The following FBXL13 variants were observed in gnomAD, a reference collection of about 807,000 sequenced individuals.
FBXL13 encodes the protein F-box and leucine-rich repeat protein 13.
A neutral mutation model predicts 83.6 loss-of-function variants in FBXL13; 67 were observed. The ratio of observed to expected loss-of-function variants is 0.80; its 90% CI spans 0.66 to 0.98. The LOEUF is 0.98. FBXL13 is among the 50% of genes least tolerant of loss of function. The probability of loss-of-function intolerance (pLI) is 0.00; values close to 1 mark genes in which losing one functional copy is unlikely to be tolerated. For synonymous variants in FBXL13, 272 were observed against 299.5 expected, an observed-to-expected ratio of 0.91 and a Z score of 0.95; for missense variants, 822 against 866.5, an observed-to-expected ratio of 0.95 and a Z score of 0.64.
chr7:102,923,153 G>A (rs1039243579), intron 10 of FBXL13, among the ~76,000 whole-genome samples: 2 of 152,112 alleles, frequency 1.3e-5, no homozygotes, highest in Admixed American at 1.3e-4. Flanking sequence ...TCAAAGAATA[G>A]TTTTCAAGTA....
chr7:102,933,291 G>A (rs2056584), intron 8 of FBXL13: 150,066 of 150,174 alleles, frequency 1, 74,979 homozygotes, highest in Middle Eastern at 1. Flanking sequence ...AAAAAAAAAA[G>A]GCTCAGGAAG....
chr7:102,960,394 C>T (rs1300611812), intron 8 of FBXL13, among the ~76,000 whole-genome samples: 5 of 152,060 alleles, frequency 3.3e-5, no homozygotes, highest in African/African-American at 1.2e-4. Context: ...CAGCCGAATT[C>T]TACCAGAGGT....
At chr7:103,027,681 G>C in intron 4 of FBXL13, 123 bp from the exon 6 acceptor site, 1 of 566,720 alleles carries the variant, frequency 1.8e-6, no homozygotes. Context: ...TTTTTGTTTG[G>C]TCTTATTTAC....
At chr7:102,906,849 A>T (rs1813828600) in intron 11 of FBXL13, among the ~76,000 whole-genome samples, 1 of 152,030 alleles carries the variant, frequency 6.6e-6, no homozygotes, top group Admixed American at 6.5e-5. Flanking sequence ...GATCTGCTTG[A>T]TGTTCTATAA....
chr7:103,024,857 A>ATATATTTTT (rs1298384907), intron 6 of FBXL13, among the ~76,000 whole-genome samples: 1 of 62,844 alleles, frequency 1.6e-5, no homozygotes, highest in Non-Finnish European at 2.5e-5. Context: ...ATATATATAT[A>ATATATTTTT]TTTTTTTTTT....
chr7:102,906,550 C>A (rs1813782741), intron 11 of FBXL13, among the ~76,000 whole-genome samples: 1 of 152,132 alleles, frequency 6.6e-6, no homozygotes, highest in African/African-American at 2.4e-5. Flanking sequence ...TTGATGAAGT[C>A]CCTCAGCTTT....
At chr7:103,010,533 A>G (rs1258932658) in intron 6 of FBXL13, among the ~76,000 whole-genome samples, 1 of 152,052 alleles carries the variant, frequency 6.6e-6, no homozygotes, top group Non-Finnish European at 1.5e-5. Flanking sequence ...CCAACCCAGC[A>G]GTACCACTTC....
intron 17 of FBXL13, chr7:102,834,662 C>T (rs1165369389): frequency 6.6e-6 from 1 of 151,786 alleles, no homozygotes; most frequent in Middle Eastern, 3.2e-3. Flanking sequence ...TTAGCCTGGC[C>T]CCTGAACAAG....
At chr7:102,821,130 G>T (rs898298114) in intron 19 of FBXL13, among the ~76,000 whole-genome samples, 16 of 152,162 alleles carry the variant, frequency 1.1e-4, no homozygotes, top group Non-Finnish European at 2.2e-4. Flanking sequence ...AATCTAACAA[G>T]TTTGGCAGAG....
At chr7:102,900,379 T>C (rs1001417723) in intron 11 of FBXL13, among the ~76,000 whole-genome samples, 55 of 152,230 alleles carry the variant, frequency 3.6e-4, no homozygotes, top group African/African-American at 1.1e-3. Flanking sequence ...TAAGCTCCTA[T>C]TCTCAAGGCT....
At chr7:102,920,752 A>T (rs1363868077) in intron 10 of FBXL13, among the ~76,000 whole-genome samples, 2 of 152,222 alleles carry the variant, frequency 1.3e-5, no homozygotes, top group Admixed American at 1.3e-4. Context: ...TACATATAAA[A>T]GATAAACCTA....
At position 103,066,790 on chromosome 7, in the gene FBXL13, GA is replaced by G. The variant is rs1181154327; in HGVS notation, c.-105+7455del. 4.7e-5 allele frequency among the ~76,000 whole-genome samples: 7 copies of G among 149,862 alleles called. 1 individual carries two copies. The South Asian group carries it at 1.0e-3, about 22-fold the overall frequency. On this transcript the variant is annotated intron_variant, in intron 1 of 19. Transcript: ENST00000313221. ...ATATTCAGTGGAAGAATTTTGTGAGGATTTTTTTTTTTTTTTTTGAGATGGA... is the reference window on the plus strand; with the variant it reads ...ATATTCAGTGGAAGAATTTTGTGAGGTTTTTTTTTTTTTTTTTGAGATGGA...
chr7:102,998,010 A>G (rs535965881), intron 6 of FBXL13, among the ~76,000 whole-genome samples: 1 of 152,264 alleles, frequency 6.6e-6, no homozygotes, highest in East Asian at 1.9e-4. Flanking sequence ...ATATCACTGT[A>G]CTAATTTACA....
At chr7:102,925,225 C>T (rs959377617) in intron 10 of FBXL13, among the ~76,000 whole-genome samples, 5 of 152,024 alleles carry the variant, frequency 3.3e-5, no homozygotes, top group Admixed American at 2.0e-4. Flanking sequence ...GAAACCCCAT[C>T]TCTACAGAAA....
In FBXL13 at chr7:103,060,020, TTATATATATATATATATATATATATATA is replaced by T. The variant is rs772728840; in HGVS notation, c.-104-4301_-104-4274del. On this transcript the variant is annotated intron_variant, in intron 1 of 19. Transcript: ENST00000313221. The stretch of plus-strand genomic sequence containing the variant: ...CAACAGATAATGATAGCAAGATATT[TTATATATATATATATATATATATATATA>T]TATATATATATATATACTTTTTTTT... 8.0e-3 allele frequency among the ~76,000 whole-genome samples: 399 copies of T among 50,096 alleles called. 14 individuals carry two copies. Among genetic ancestry groups the T allele is most frequent in the South Asian group, 0.076 (72 of 942 alleles). 32.9% of individuals were successfully genotyped at this position (50,096 alleles called of 152,430 possible).
At chr7:103,066,548 C>A (rs1022353577) in intron 1 of FBXL13, among the ~76,000 whole-genome samples, 5 of 151,974 alleles carry the variant, frequency 3.3e-5, no homozygotes, top group East Asian at 3.9e-4. Context: ...CCCGCCATCA[C>A]GCCCAGCTAA....
At chr7:102,891,964 G>A (rs544748218) in intron 11 of FBXL13, among the ~76,000 whole-genome samples, 1 of 152,240 alleles carries the variant, frequency 6.6e-6, no homozygotes, top group South Asian at 2.1e-4. Context: ...GAGCTACTTG[G>A]TTTGTCTAGA....
At chr7:102,920,949 C>T (rs923708647) in intron 10 of FBXL13, among the ~76,000 whole-genome samples, 76 of 151,312 alleles carry the variant, frequency 5.0e-4, no homozygotes, top group Non-Finnish European at 8.4e-4. Context: ...GTCAGGAGTT[C>T]GAGACCGGCC....
intron 1 of FBXL13, among the ~76,000 whole-genome samples, chr7:103,066,778 G>T (rs1402849295): frequency 6.6e-6 from 1 of 151,074 alleles, no homozygotes; most frequent in Non-Finnish European, 1.5e-5. Flanking sequence ...TTCAGTGGAA[G>T]AATTTTGTGA....
Sources: allele counts gnomAD v4.1 joint callset (sites outside exome capture counted in the v4.1 genomes callset), GRCh38; gene constraint gnomAD v4.1.1; transcripts MANE v1.5; gene names NCBI Gene and HGNC (gene_info 2026-07-23, HGNC 2026-07-21).